The following TP63 variants were observed in gnomAD, a reference collection of about 807,000 sequenced individuals.
The protein encoded by TP63 is tumor protein 63.
A neutral mutation model predicts 82.8 loss-of-function variants in TP63; 17 were observed. The observed-to-expected ratio is 0.21, with a 90% confidence interval of 0.14 to 0.31. The LOEUF is 0.31. TP63 is among the 10% of genes least tolerant of loss of function. The pLI, the probability that TP63 is intolerant of heterozygous loss-of-function variation, is 1.00. For synonymous variants in TP63, 330 were observed against 321.7 expected (o/e 1.03, Z -0.28); for missense variants, 648 against 895.3 (o/e 0.72, Z 3.52).
At chr3:189,636,680 G>T (rs1729803615) in intron 1 of TP63, among the ~76,000 whole-genome samples, 1 of 152,112 alleles carries the variant, frequency 6.6e-6, no homozygotes, top group African/African-American at 2.4e-5. Context: ...TGAGATAAAT[G>T]TGAGCTACAC....
intron 1 of TP63, among the ~76,000 whole-genome samples, chr3:189,657,394 C>G (rs9829884): frequency 0.44 from 66,816 of 151,874 alleles, 16,089 homozygotes; most frequent in Middle Eastern, 0.69. Context: ...TGGGGTAAAA[C>G]AGTTTTACAA....
chr3:189,700,202 T>C (rs1717696574), intron 1 of TP63, among the ~76,000 whole-genome samples: 4 of 152,166 alleles, frequency 2.6e-5, no homozygotes, highest in South Asian at 2.1e-4. Context: ...ATTTTTCCAA[T>C]TGAGGTTTTT....
At chr3:189,751,065 C>T (rs948811496) in intron 3 of TP63, among the ~76,000 whole-genome samples, 4 of 152,142 alleles carry the variant, frequency 2.6e-5, no homozygotes, top group East Asian at 3.9e-4. Context: ...TGAGAACATG[C>T]GGTGTTTGGT....
At chr3:189,788,574 C>T (rs923607006) in intron 3 of TP63, among the ~76,000 whole-genome samples, 1 of 151,504 alleles carries the variant, frequency 6.6e-6, no homozygotes, top group East Asian at 1.9e-4. Flanking sequence ...AATTGGGTCC[C>T]TGAGTGGGGG....
chr3:189,662,255 T>G (rs2108655433), intron 1 of TP63, among the ~76,000 whole-genome samples: 1 of 152,214 alleles, frequency 6.6e-6, no homozygotes. Flanking sequence ...ACGATTTTGG[T>G]ATGCAGTGTT....
At chr3:189,627,772 T>C (rs1233519810), upstream of TP63, among the ~76,000 whole-genome samples, 1 of 152,108 alleles carries the variant, frequency 6.6e-6, no homozygotes, top group Non-Finnish European at 1.5e-5. Context: ...AGGAAAGTTT[T>C]GGGGTAATAG....
intron 1 of TP63, among the ~76,000 whole-genome samples, chr3:189,652,135 C>T (rs1357143820): frequency 6.8e-6 from 1 of 146,038 alleles, no homozygotes; most frequent in Non-Finnish European, 1.5e-5. Flanking sequence ...AGAGGAGGAC[C>T]CAAAATGGTA....
At chr3:189,818,810 AGTC>A (rs1560216691) in intron 4 of TP63, among the ~76,000 whole-genome samples, 1 of 152,184 alleles carries the variant, frequency 6.6e-6, no homozygotes, top group Non-Finnish European at 1.5e-5. Flanking sequence ...AAAACAGAGT[AGTC>A]TTGAGGAAAT....
At chr3:189,867,419 A>G (rs6783043) in intron 6 of TP63, among the ~76,000 whole-genome samples, 99,246 of 152,084 alleles carry the variant, frequency 0.65, 32,903 homozygotes, top group Middle Eastern at 0.8. Flanking sequence ...TAATGGAAGT[A>G]TATATTCAAA....
In TP63 at chr3:189,878,817, C is replaced by T. The variant is rs1330607392; in HGVS notation, c.1349+5822C>T. On this transcript the variant is annotated intron_variant, in intron 10 of 13. Coordinates refer to ENST00000264731, the MANE Select transcript of TP63 (RefSeq NM_003722.5). ...TGGTAATGAAGAAAAACCATAGAGA[C>T]GGGGTTTCACCATGTTGGCCAGGCT... Among the ~76,000 whole-genome samples the T allele has an allele frequency of 1.7e-5, 2 of 115,110 alleles. 1 individual carries two copies. Among genetic ancestry groups the T allele is most frequent in the African/African-American group, 6.9e-5 (2 of 28,900 alleles). The allele number at this position is 115,110 out of a possible 152,430, so 75.5% of individuals were successfully genotyped here.
At chr3:189,645,434 G>T (rs1416957628) in intron 1 of TP63, 3 of 392,800 alleles carry the variant, frequency 7.6e-6, no homozygotes, top group African/African-American at 4.2e-5. Context: ...CTTCCAGCTG[G>T]TCTATTTCTA....
intron 4 of TP63, among the ~76,000 whole-genome samples, chr3:189,830,245 G>T (rs986832682): frequency 6.6e-6 from 1 of 152,168 alleles, no homozygotes; most frequent in African/African-American, 2.4e-5. Flanking sequence ...AGCTACCGTT[G>T]TAACAGTCTG....
At position 189,895,016 on chromosome 3, in the gene TP63, T is replaced by C. The variant is rs1005308812; in HGVS notation, c.*514T>C. 6 of 220,354 alleles carry C rather than the reference T, an allele frequency of 2.7e-5. No individual in the cohort carries two copies. In the Admixed American group the frequency reaches 3.4e-4, roughly 12 times the overall value. The allele number at this position is 220,354 out of a possible 1,614,324, so 13.6% of individuals were successfully genotyped here. On this transcript the variant is annotated 3_prime_UTR_variant, in exon 14 of 14. Coordinates refer to ENST00000264731, the MANE Select transcript of TP63 (RefSeq NM_003722.5). ...GGTATCATGTATGGTGATAGGTATCTAGAGCTTAATGCTACATGTGAGTGA... is the reference window on the plus strand; with the variant it reads ...GGTATCATGTATGGTGATAGGTATCCAGAGCTTAATGCTACATGTGAGTGA...
intron 3 of TP63, among the ~76,000 whole-genome samples, chr3:189,741,442 T>TGCA (rs1720978811): frequency 6.6e-6 from 1 of 151,740 alleles, no homozygotes; most frequent in Non-Finnish European, 1.5e-5. Context: ...TCTGAACTGC[T>TGCA]ACAACGGGTG....
At chr3:189,743,281 A>T (rs1029460941) in intron 3 of TP63, among the ~76,000 whole-genome samples, 1 of 152,192 alleles carries the variant, frequency 6.6e-6, no homozygotes, top group Non-Finnish European at 1.5e-5. Context: ...TATCTTTCTG[A>T]TCAGCAAAAA....
At chr3:189,843,645 A>G (rs988210232) in intron 4 of TP63, among the ~76,000 whole-genome samples, 10 of 152,188 alleles carry the variant, frequency 6.6e-5, no homozygotes, top group Non-Finnish European at 2.9e-5. Flanking sequence ...CCAAAAGGAT[A>G]TGGTGGCCTT....
chr3:189,882,934 G>A (rs1031965453), intron 10 of TP63, among the ~76,000 whole-genome samples: 2 of 152,132 alleles, frequency 1.3e-5, no homozygotes, highest in Non-Finnish European at 2.9e-5. Context: ...CTACATCTCT[G>A]TTACACTGAA....
the TP63 span, among the ~76,000 whole-genome samples, chr3:189,617,689 T>C: frequency 4.6e-5 from 7 of 152,198 alleles, no homozygotes; most frequent in African/African-American, 1.7e-4. Context: ...TATTACCCTT[T>C]ATTTACTCCC....
chr3:189,704,087 C>T (rs1200156478), intron 1 of TP63, among the ~76,000 whole-genome samples: 1 of 152,204 alleles, frequency 6.6e-6, no homozygotes, highest in East Asian at 1.9e-4. Flanking sequence ...ATCCTGTTTC[C>T]ACTTACTAAC....
Sources: gnomAD v4.1 joint callset for allele counts (sites outside exome capture counted in the v4.1 genomes callset) on GRCh38, gnomAD v4.1.1 for gene constraint, MANE v1.5 for transcripts, NCBI Gene and HGNC (gene_info 2026-07-23, HGNC 2026-07-21) for gene names.